Variants in DOCK8 observed in about 807,000 individuals in gnomAD.
DOCK8 encodes the protein dedicator of cytokinesis protein 8.
Under a neutral mutation model 245.6 loss-of-function variants are expected in DOCK8, and 141 were observed. That is an observed-to-expected ratio of 0.57 (90% confidence interval 0.50 to 0.66). The LOEUF is 0.66. DOCK8 is among the 30% of genes least tolerant of loss of function. The pLI is 0.00. For missense variants in DOCK8, 2,965 were observed against 2,603.4 expected, an observed-to-expected ratio of 1.14 and a Z score of -3.02; for synonymous variants, 1,168 against 970.2, an observed-to-expected ratio of 1.20 and a Z score of -3.79.
intron 1 of DOCK8, among the ~76,000 whole-genome samples, chr9:254,319 GA>G (rs2047719051): frequency 6.6e-6 from 1 of 152,180 alleles, no homozygotes; most frequent in Non-Finnish European, 1.5e-5. Flanking sequence ...TATGAGGCCA[GA>G]AAATGAATAA....
intron 1 of DOCK8, among the ~76,000 whole-genome samples, chr9:265,951 TG>T (rs1351802169): frequency 6.6e-6 from 1 of 152,190 alleles, no homozygotes; most frequent in Non-Finnish European, 1.5e-5. Context: ...ACTCTGTCAA[TG>T]AGTTTTCATT....
chr9:396,630 T>A (rs2054469635), intron 24 of DOCK8, among the ~76,000 whole-genome samples, 155 bp from the exon 25 acceptor site: 1 of 152,182 alleles, frequency 6.6e-6, no homozygotes, highest in Non-Finnish European at 1.5e-5. Flanking sequence ...GTCTGCAGCA[T>A]TTTAGTCCAG....
At chr9:336,782 C>T (rs1294710482) in intron 12 of DOCK8, 64 bp downstream of exon 12, 1 of 1,596,840 alleles carries the variant, frequency 6.3e-7, no homozygotes, top group Non-Finnish European at 8.6e-7. Context: ...CTGGAACCCA[C>T]AGGAGGAGGA....
chr9:332,336 C>T lies in DOCK8; in HGVS notation c.1045-62C>T, dbSNP rs534262182. ...TCATAAAATGTAATTTTGATGGTTG[C>T]ATAGATTCCTTTTTATGGATGTAAT... On this transcript the variant is annotated intron_variant, in intron 9 of 47. Transcript: ENST00000432829. 120 of 1,124,692 alleles carry T rather than the reference C, an allele frequency of 1.1e-4. 1 individual carries two copies. In the East Asian group the frequency reaches 2.9e-3, roughly 27 times the overall value. 69.7% of individuals were successfully genotyped at this position (1,124,692 alleles called of 1,614,324 possible).
chr9:214,695 G>A (rs1464829788), upstream of DOCK8: 4 of 1,568,822 alleles, frequency 2.5e-6, no homozygotes, highest in Non-Finnish European at 3.5e-6. Flanking sequence ...CGCGCCGTCT[G>A]CCCCAGTATC....
At chr9:326,131 G>A (rs751003508) in intron 8 of DOCK8, among the ~76,000 whole-genome samples, 1 of 152,160 alleles carries the variant, frequency 6.6e-6, no homozygotes, top group Non-Finnish European at 1.5e-5. Context: ...CATGGTAGAG[G>A]TCTCAATTTG....
chr9:263,339 T>C (rs2047963989), intron 1 of DOCK8, among the ~76,000 whole-genome samples: 1 of 152,166 alleles, frequency 6.6e-6, no homozygotes, highest in Admixed American at 6.5e-5. Context: ...CTTATTAGAA[T>C]CCTAGTATTA....
chr9:286,634 A>C lies in DOCK8; in HGVS notation c.330A>C (p.Glu110Asp). 1.2e-6 allele frequency: 2 copies of C among 1,613,694 alleles called. No homozygotes were observed. Among genetic ancestry groups the C allele is most frequent in the Non-Finnish European group, 8.5e-7 (1 of 1,179,710 alleles). Residue 110 changes from glutamate (E) to aspartate (D), a missense_variant and splice_region_variant, in exon 3 of 48, where the codon GAA becomes GAC. Glu to Asp is a conservative substitution (Grantham distance 45, BLOSUM62 2). Around this residue, in one of 3 missense-constraint regions of DOCK8, gnomAD observed 2,825 missense variants for 2,453.5 expected, o/e 1.15. Transcript: ENST00000432829. ...CTTTGCAGCCCTCTTTGCCGGAGGA[A>C]GGGTAAATAGTTTTCTAAAATGTAG... is the stretch of plus-strand genomic sequence containing the variant. Reference protein sequence around the residue: ...CRTLQPSLPEEGVELDPHVRD... With the variant: ...CRTLQPSLPEDGVELDPHVRD...
chr9:259,749 A>G (rs1044432052), intron 1 of DOCK8, among the ~76,000 whole-genome samples: 2 of 152,192 alleles, frequency 1.3e-5, no homozygotes, highest in African/African-American at 4.8e-5. Context: ...AAGTATACCT[A>G]TTTTTAGTCT....
At chr9:372,764 C>T (rs139095905) in intron 18 of DOCK8, among the ~76,000 whole-genome samples, 16 of 152,306 alleles carry the variant, frequency 1.1e-4, no homozygotes, top group African/African-American at 3.8e-4. Context: ...TCTTGCTCAT[C>T]CACTCTGCTG....
At position 439,379 on chromosome 9, in the gene DOCK8, C is replaced by T. The variant is rs778861533; in HGVS notation, c.5214C>T (p.Leu1738=). The change falls in exon 40 of 48, where the codon CTC becomes CTT. Residue 1738 remains leucine, a synonymous_variant. Transcript: ENST00000432829. ...GCCTCCTGGAGCAGGCCGCGGAGCT[C>T]TTCAGCACGGTCAGTGCCCAGAGGG... The part of the protein sequence containing the change: ...LVGLLEQAAE[L]FSTGGLYETV... 1.9e-6 allele frequency: 3 copies of T among 1,613,344 alleles called. No individual in the cohort carries two copies. The highest frequency in any genetic ancestry group is 2.5e-6 in the Non-Finnish European group (3 of 1,179,948).
At chr9:440,148 A>G (rs2057047383) in intron 40 of DOCK8, among the ~76,000 whole-genome samples, 1 of 152,068 alleles carries the variant, frequency 6.6e-6, no homozygotes. Flanking sequence ...CCTCATGAGT[A>G]GCTGGGATTA....
At chr9:294,095 C>A (rs1470968928) in intron 4 of DOCK8, among the ~76,000 whole-genome samples, 1 of 152,154 alleles carries the variant, frequency 6.6e-6, no homozygotes, top group African/African-American at 2.4e-5. Flanking sequence ...ATATTACAAA[C>A]ATTTCTTTAA....
chr9:376,138 G>C, intron 18 of DOCK8, 72 bp from the exon 19 acceptor site: 1 of 1,001,298 alleles, frequency 1.0e-6, no homozygotes, highest in Non-Finnish European at 1.6e-6. Context: ...CAGTCAAGTT[G>C]GTCTGCATTG....
At chr9:397,247 A>G (rs2054505029) in intron 25 of DOCK8, among the ~76,000 whole-genome samples, 1 of 151,554 alleles carries the variant, frequency 6.6e-6, no homozygotes, top group Admixed American at 6.6e-5. Flanking sequence ...AGCAACTGGG[A>G]GGCAGAAGCA....
At chr9:388,175 G>A (rs905722689) in intron 23 of DOCK8, among the ~76,000 whole-genome samples, 2 of 152,138 alleles carry the variant, frequency 1.3e-5, no homozygotes, top group South Asian at 2.1e-4. Flanking sequence ...CCTACAATGA[G>A]AAGATCAAGG....
intron 4 of DOCK8, among the ~76,000 whole-genome samples, chr9:303,987 G>A (rs1270470388): frequency 6.6e-6 from 1 of 152,148 alleles, no homozygotes; most frequent in Non-Finnish European, 1.5e-5. Flanking sequence ...ATGATGGTCT[G>A]TCTCATTTCT....
At chr9:263,036 G>A (rs1421777652) in intron 1 of DOCK8, among the ~76,000 whole-genome samples, 1 of 152,028 alleles carries the variant, frequency 6.6e-6, no homozygotes, top group African/African-American at 2.4e-5. Context: ...GTGAAACCCC[G>A]TCTTTACTAA....
intron 6 of DOCK8, 125 bp from the exon 7 acceptor site, chr9:316,918 T>C (rs2050371713): frequency 2.6e-6 from 2 of 771,954 alleles, no homozygotes; most frequent in South Asian, 1.5e-5. Flanking sequence ...GGCAGAGTGT[T>C]AGAAAAAAAG....
Sources: gnomAD v4.1 joint callset for allele counts (sites outside exome capture counted in the v4.1 genomes callset) on GRCh38, gnomAD v4.1.1 for gene constraint, gnomAD v4.1.1 regional missense constraint, MANE v1.5 for transcripts, NCBI Gene and HGNC (gene_info 2026-07-23, HGNC 2026-07-21) for gene names.